Variants in TMEM178B observed in about 807,000 individuals in gnomAD.
The protein encoded by TMEM178B is transmembrane protein 178B.
TMEM178B carries 5 observed loss-of-function variants against 31.0 expected under a neutral mutation model. The observed-to-expected ratio is 0.16, with a 90% CI of 0.08 to 0.34. The LOEUF is 0.34. TMEM178B is among the 10% of genes least tolerant of loss of function. The pLI, the probability that TMEM178B is intolerant of heterozygous loss-of-function variation, is 1.00. For missense variants in TMEM178B, 275 were observed against 400.3 expected, an observed-to-expected ratio of 0.69 and a Z score of 2.67; for synonymous variants, 164 against 164.0, an observed-to-expected ratio of 1.00 and a Z score of 0.00.
intron 1 of TMEM178B, among the ~76,000 whole-genome samples, chr7:141,210,036 G>A (rs965887250): frequency 2.0e-5 from 3 of 152,130 alleles, no homozygotes; most frequent in African/African-American, 7.2e-5. Context: ...TTCCTTTATA[G>A]AATACACTCC....
intron 1 of TMEM178B, among the ~76,000 whole-genome samples, chr7:141,150,079 G>A (rs1337969582): frequency 6.6e-6 from 1 of 152,108 alleles, no homozygotes; most frequent in African/African-American, 2.4e-5. Context: ...TCTCTTTAGC[G>A]GGGTTGGAAA....
At chr7:141,170,539 A>G (rs571192282) in intron 1 of TMEM178B, among the ~76,000 whole-genome samples, 1 of 152,310 alleles carries the variant, frequency 6.6e-6, no homozygotes, top group African/African-American at 2.4e-5. Context: ...GGATCAAACA[A>G]TGGAATTTAT....
intron 2 of TMEM178B, among the ~76,000 whole-genome samples, chr7:141,256,528 G>A (rs911523506): frequency 2.0e-5 from 3 of 152,180 alleles, no homozygotes; most frequent in Admixed American, 6.5e-5. Context: ...AGGGTTGGGG[G>A]TGTAGCCAGG....
At chr7:141,334,907 T>C (rs143604388) in intron 2 of TMEM178B, among the ~76,000 whole-genome samples, 3 of 152,294 alleles carry the variant, frequency 2.0e-5, no homozygotes, top group Admixed American at 6.5e-5. Context: ...AGGCAGCTGG[T>C]AAAGATTTGG....
intron 1 of TMEM178B, among the ~76,000 whole-genome samples, chr7:141,168,515 T>G (rs1796296551): frequency 6.6e-6 from 1 of 152,204 alleles, no homozygotes; most frequent in East Asian, 1.9e-4. Context: ...ATTCTGCCTG[T>G]AATCCTAGCA....
chr7:141,470,050 G>A (rs1563190923), intron 3 of TMEM178B, among the ~76,000 whole-genome samples: 1 of 152,296 alleles, frequency 6.6e-6, no homozygotes, highest in East Asian at 1.9e-4. Context: ...AGAATTGTTG[G>A]TGAACAGATT....
intron 1 of TMEM178B, among the ~76,000 whole-genome samples, chr7:141,152,208 A>T (rs2129180616): frequency 6.6e-6 from 1 of 152,288 alleles, no homozygotes; most frequent in African/African-American, 2.4e-5. Context: ...GCCCCACACT[A>T]GGAGGCTGGG....
At chr7:141,152,896 G>A (rs990558022) in intron 1 of TMEM178B, among the ~76,000 whole-genome samples, 1 of 152,226 alleles carries the variant, frequency 6.6e-6, no homozygotes, top group Non-Finnish European at 1.5e-5. Context: ...CAGGAATTGT[G>A]CTAAGCACTT....
chr7:141,413,556 T>G (rs559651909), intron 2 of TMEM178B, among the ~76,000 whole-genome samples: 1 of 152,364 alleles, frequency 6.6e-6, no homozygotes, highest in African/African-American at 2.4e-5. Flanking sequence ...TTTCTGGCAT[T>G]CTTGGGTCAT....
chr7:141,243,942 G>A (rs541745532), intron 2 of TMEM178B, among the ~76,000 whole-genome samples: 1 of 152,262 alleles, frequency 6.6e-6, no homozygotes, highest in East Asian at 1.9e-4. Context: ...CCTCCACAAT[G>A]CCTGCCCTCA....
intron 2 of TMEM178B, among the ~76,000 whole-genome samples, chr7:141,335,083 A>G (rs893581631): frequency 6.6e-6 from 1 of 152,226 alleles, no homozygotes. Context: ...TGGTTAGTGC[A>G]GCCTCCATGG....
intron 2 of TMEM178B, among the ~76,000 whole-genome samples, chr7:141,233,097 T>C (rs1797473121): frequency 6.6e-6 from 1 of 152,192 alleles, no homozygotes; most frequent in Non-Finnish European, 1.5e-5. Flanking sequence ...GATTGAAACC[T>C]CAATCTTCCC....
At chr7:141,287,552 T>G (rs1386485566) in intron 2 of TMEM178B, among the ~76,000 whole-genome samples, 1 of 152,150 alleles carries the variant, frequency 6.6e-6, no homozygotes, top group African/African-American at 2.4e-5. Context: ...TCAACATCTC[T>G]TCCATATACT....
intron 3 of TMEM178B, among the ~76,000 whole-genome samples, chr7:141,440,563 T>C (rs946299541): frequency 3.3e-5 from 5 of 152,262 alleles, no homozygotes; most frequent in African/African-American, 1.2e-4. Flanking sequence ...CTCCATACTT[T>C]ATGCTGCAAG....
At chr7:141,507,037 C>T in the TMEM178B span, among the ~76,000 whole-genome samples, 1 of 152,188 alleles carries the variant, frequency 6.6e-6, no homozygotes, top group African/African-American at 2.4e-5. Context: ...GGTGGGTTAC[C>T]ATGGACTTGG....
intron 1 of TMEM178B, among the ~76,000 whole-genome samples, chr7:141,207,521 C>G (rs570684668): frequency 6.6e-6 from 1 of 152,164 alleles, no homozygotes; most frequent in Non-Finnish European, 1.5e-5. Context: ...AGTTTCAATT[C>G]GCATTTCCCT....
intron 2 of TMEM178B, among the ~76,000 whole-genome samples, chr7:141,370,655 TTGCA>T (rs1359205472): frequency 6.6e-6 from 1 of 152,244 alleles, no homozygotes; most frequent in African/African-American, 2.4e-5. Flanking sequence ...TGGACAGGAC[TTGCA>T]AAGCATTGCA....
At chr7:141,313,064 G>T (rs1028184418) in intron 2 of TMEM178B, among the ~76,000 whole-genome samples, 4 of 152,188 alleles carry the variant, frequency 2.6e-5, no homozygotes, top group Admixed American at 1.3e-4. Flanking sequence ...AGATGGAGTT[G>T]CTCTGGTTCA....
chr7:141,237,525 T>C (rs1258503432), intron 2 of TMEM178B, among the ~76,000 whole-genome samples: 1 of 152,100 alleles, frequency 6.6e-6, no homozygotes, highest in Non-Finnish European at 1.5e-5. Context: ...AGCTAGAATG[T>C]TACAAGATAA....
Sources: gnomAD v4.1 joint callset for allele counts (sites outside exome capture counted in the v4.1 genomes callset) on GRCh38, gnomAD v4.1.1 for gene constraint, MANE v1.5 for transcripts, NCBI Gene and HGNC (gene_info 2026-07-23, HGNC 2026-07-21) for gene names.